Variants in C1orf167 observed in about 807,000 individuals in gnomAD.
The protein encoded by C1orf167 is uncharacterized protein C1orf167.
C1orf167 carries 153 observed loss-of-function variants against 176.5 expected under a neutral mutation model. The ratio of observed to expected loss-of-function variants is 0.87; its 90% CI spans 0.76 to 0.99. The LOEUF is 0.99. Among genes scored for constraint, C1orf167 ranks in the 50% least tolerant of loss-of-function variants. C1orf167 has a pLI of 0.00. For missense variants in C1orf167, 1,490 were observed against 1,817.7 expected, an observed-to-expected ratio of 0.82 and a Z score of 3.28; for synonymous variants, 594 against 752.7, an observed-to-expected ratio of 0.79 and a Z score of 3.45.
rs536620942 is a variant in C1orf167 at position 11,762,696 on chromosome 1, G to A, written c.-71+391G>A. ...GGCTGCAGTGCAGATTAAATGGCAGGACGCCTGCTGAAGGCTGCAAGGTGC... is the reference window on the plus strand; with the variant it reads ...GGCTGCAGTGCAGATTAAATGGCAGAACGCCTGCTGAAGGCTGCAAGGTGC... On this transcript the variant is annotated intron_variant, in intron 1 of 20. Coordinates refer to ENST00000688073, the MANE Select transcript of C1orf167 (RefSeq NM_001010881.2). Among the ~76,000 whole-genome samples, 52 of 152,330 alleles carry A rather than the reference G, an allele frequency of 3.4e-4. 1 individual carries two copies. The highest frequency in any genetic ancestry group is 8.3e-4 in the South Asian group (4 of 4,826).
intron 13 of C1orf167, 81 bp downstream of exon 13, chr1:11,780,091 A>G (rs751867224): frequency 2.3e-5 from 25 of 1,089,986 alleles, no homozygotes; most frequent in Non-Finnish European, 3.0e-5. Flanking sequence ...AGCCCTGGCC[A>G]ACAACTTGAC....
chr1:11,779,590 A>C, intron 12 of C1orf167: 1 of 325,204 alleles, frequency 3.1e-6, no homozygotes, highest in Non-Finnish European at 6.1e-6. Flanking sequence ...GGGGTCTAGA[A>C]TCCCACCCTA....
intron 16 of C1orf167, 41 bp downstream of exon 16, chr1:11,785,330 G>A (rs767932476): frequency 2.0e-4 from 246 of 1,245,248 alleles, no homozygotes; most frequent in Non-Finnish European, 2.2e-4. Flanking sequence ...CTCTGGCCCC[G>A]GATGGCCAGC....
Position 11,784,221 on chromosome 1 carries a change from G to C in C1orf167, c.3053G>C (p.Arg1018Pro), listed in dbSNP as rs538180931. 7.8e-7 allele frequency: 1 copy of C among 1,279,782 alleles called. No homozygotes were observed. Among genetic ancestry groups the C allele is most frequent in the East Asian group, 5.6e-5 (1 of 17,736 alleles). The allele number at this position is 1,279,782 out of a possible 1,614,324, so 79.3% of individuals were successfully genotyped here. ...GTTGTAAGAGACACGGGGGTGCTCC[G>C]GGCCCAGCATCAAGCCTTTCAGGAT... ...CEVVRDTGVL[R>P]AQHQAFQDGL... Residue 1018 changes from arginine to proline, a missense_variant, in exon 15 of 21, where the codon CGG becomes CCG. Physicochemically the swap from Arg to Pro is moderately radical, Grantham distance 103. Transcript: ENST00000688073.
In C1orf167 at chr1:11,771,916, C is replaced by CT. The variant is rs530023129; in HGVS notation, c.1811-165dup. Among the ~76,000 whole-genome samples, 126 of 152,264 alleles carry CT rather than the reference C, an allele frequency of 8.3e-4. 1 individual carries two copies. Among genetic ancestry groups the CT allele is most frequent in the African/African-American group, 3.0e-3 (125 of 41,574 alleles). On this transcript the variant is annotated intron_variant, in intron 7 of 20. Coordinates refer to ENST00000688073, the MANE Select transcript of C1orf167 (RefSeq NM_001010881.2). The stretch of plus-strand genomic sequence containing the variant: ...CGGCCTGCATTTCTGGGCTGATACA[C>CT]TGATGCAGGCCCACACCAGAGGCTG...
intron 7 of C1orf167, 101 bp downstream of exon 7, chr1:11,771,737 T>C (rs1371087201): frequency 1.4e-6 from 1 of 739,164 alleles, no homozygotes; most frequent in Non-Finnish European, 2.0e-6. Context: ...CGAATGAATG[T>C]TTATTTTGCA....
chr1:11,782,145 TG>T (rs995647470), intron 13 of C1orf167, 43 bp from the exon 14 acceptor site: 2 of 1,228,088 alleles, frequency 1.6e-6, no homozygotes, highest in African/African-American at 3.1e-5. Flanking sequence ...GGGGAGAGGC[TG>T]GGGTGAGCAC....
At chr1:11,784,621 C>T (rs1477914634) in intron 15 of C1orf167, 28 bp downstream of exon 15, 1 of 1,210,106 alleles carries the variant, frequency 8.3e-7, no homozygotes. Flanking sequence ...AGTGCAGCCC[C>T]ACTCTGTGCT....
chr1:11,788,891 C>A, intron 20 of C1orf167, 145 bp downstream of exon 20: 1 of 547,608 alleles, frequency 1.8e-6, no homozygotes, highest in Non-Finnish European at 3.0e-6. Context: ...GGGTCAGTTC[C>A]ATTACAGAAC....
Position 11,784,312 on chromosome 1 carries a change from C to T in C1orf167, c.3144C>T (p.Ala1048=), listed in dbSNP as rs1017730209. ...ATWREAQEVA[A]GAQEQRVAQA... Reference sequence around the variant, plus strand: ...GGCGGGAAGCCCAGGAAGTGGCAGCCGGGGCACAGGAGCAGCGTGTGGCCC... The same window carrying T: ...GGCGGGAAGCCCAGGAAGTGGCAGCTGGGGCACAGGAGCAGCGTGTGGCCC... Residue 1048 remains alanine (A), a synonymous_variant, in exon 15 of 21, where the codon GCC becomes GCT. Transcript: ENST00000688073. The T allele has an allele frequency of 6.4e-5, 84 of 1,303,724 alleles. No individual in the cohort carries two copies. Among genetic ancestry groups the T allele is most frequent in the African/African-American group, 3.3e-4 (22 of 66,016 alleles). 80.8% of individuals were successfully genotyped at this position (1,303,724 alleles called of 1,614,324 possible). A position where few individuals can be genotyped will look rare whatever the true frequency, so the allele number is the denominator to read the frequency against.
intron 13 of C1orf167, 30 bp downstream of exon 13, chr1:11,780,040 G>T: frequency 8.0e-7 from 1 of 1,244,354 alleles, no homozygotes; most frequent in Non-Finnish European, 1.0e-6. Flanking sequence ...GGGGCACTGC[G>T]GGTGAGGGCA....
chr1:11,789,395 A>G lies in C1orf167; in HGVS notation c.4299A>G (p.Ala1433=). ...GPESGQEAAR[A]PRGWGLGAEH... Reference sequence around the variant, plus strand: ...AGAGTGGACAGGAAGCCGCCAGAGCACCGCGGGGTTGGGGGCTTGGGGCAG... The same window carrying G: ...AGAGTGGACAGGAAGCCGCCAGAGCGCCGCGGGGTTGGGGGCTTGGGGCAG... The change falls in exon 21 of 21, where the codon GCA becomes GCG. Residue 1433 remains alanine, a synonymous_variant. Transcript: ENST00000688073. 1 of 1,303,256 alleles carries G rather than the reference A, an allele frequency of 7.7e-7. No homozygotes were observed. Among genetic ancestry groups the G allele is most frequent in the Non-Finnish European group, 1.0e-6 (1 of 988,670 alleles). The allele number at this position is 1,303,256 out of a possible 1,614,324, so 80.7% of individuals were successfully genotyped here. A position where few individuals can be genotyped will look rare whatever the true frequency, so the allele number is the denominator to read the frequency against.
At position 11,774,511 on chromosome 1, in the gene C1orf167, C is replaced by T. The variant is rs185202188; in HGVS notation, c.1989-924C>T. ...GAGAATTTTTAGTGCAGGAAGCTGA[C>T]CTAGACCAAGGTTCAGTGGTGATGT... is the stretch of plus-strand genomic sequence containing the variant. On this transcript the variant is annotated intron_variant, in intron 8 of 20. Transcript: ENST00000688073. 5.7e-3 allele frequency among the ~76,000 whole-genome samples: 866 copies of T among 152,286 alleles called. 5 individuals carry two copies. Among genetic ancestry groups the T allele is most frequent in the Non-Finnish European group, 9.6e-3 (652 of 68,040 alleles).
intron 10 of C1orf167, 164 bp from the exon 11 acceptor site, chr1:11,778,496 T>TG: frequency 2.0e-6 from 1 of 497,262 alleles, no homozygotes; most frequent in Non-Finnish European, 3.1e-6. Context: ...ATGCAGCCGC[T>TG]GTGGGGGGCA....
At chr1:11,772,904 A>ATTATTTATTATTATTATTATT (rs1643149375) in intron 8 of C1orf167, among the ~76,000 whole-genome samples, 1 of 146,426 alleles carries the variant, frequency 6.8e-6, no homozygotes, top group Non-Finnish European at 1.5e-5. Flanking sequence ...CATTATTATT[A>ATTATTTATTATTATTATTATT]TTATTATTAT....
chr1:11,765,714 A>C, intron 2 of C1orf167, 143 bp from the exon 3 acceptor site: 1 of 768,214 alleles, frequency 1.3e-6, no homozygotes, highest in Non-Finnish European at 1.7e-6. Context: ...CCAGGGAGAC[A>C]GAGCTGGCAG....
At position 11,784,490 on chromosome 1, in the gene C1orf167, G is replaced by A. The variant is rs1643748436; in HGVS notation, c.3322G>A (p.Ala1108Thr). Reference sequence around the variant, plus strand: ...GCAGCAGGCAGGAGAGAGCGCTGGGGCCCAGGCAGCCCAGTGCTGGACTTG... The same window carrying A: ...GCAGCAGGCAGGAGAGAGCGCTGGGACCCAGGCAGCCCAGTGCTGGACTTG... ...AQQQAGESAG[A>T]QAAQCWTWCW... Residue 1108 changes from alanine (A) to threonine (T), a missense_variant, in exon 15 of 21, where the codon GCC becomes ACC. By Grantham distance (58) the Ala-to-Thr change is moderately conservative. Coordinates refer to ENST00000688073, the MANE Select transcript of C1orf167 (RefSeq NM_001010881.2). The A allele has an allele frequency of 1.5e-6, 2 of 1,302,950 alleles. No homozygotes were observed. The highest frequency in any genetic ancestry group is 2.0e-6 in the Non-Finnish European group (2 of 988,894). 80.7% of individuals were successfully genotyped at this position (1,302,950 alleles called of 1,614,324 possible).
chr1:11,789,455 C>T lies in C1orf167; in HGVS notation c.*9C>T, dbSNP rs1266877819. The T allele has an allele frequency of 7.7e-7, 1 of 1,302,408 alleles. No homozygotes were observed. The highest frequency in any genetic ancestry group is 1.2e-5 in the South Asian group (1 of 80,878). The allele number at this position is 1,302,408 out of a possible 1,614,324, so 80.7% of individuals were successfully genotyped here. ...CCCAGCTGCAGCTGTGACTTGTTCT[C>T]ATAGAATAAAAAACAGAACTGAACT... On this transcript the variant is annotated 3_prime_UTR_variant, in exon 21 of 21. Transcript: ENST00000688073.
Position 11,771,631 on chromosome 1 carries a change from T to C in C1orf167, c.1805T>C (p.Leu602Pro). ...GTCCAGATCCTGCAGGCCCTGCAAC[T>C]GGCTGGTGAGACGTGGGGTGCTGGG... ...ERVQILQALQ[L>P]AVFFLWCQQK... The change falls in exon 7 of 21, where the codon CTG becomes CCG. Residue 602 changes from leucine (L) to proline (P), a missense_variant. Transcript: ENST00000688073. The C allele has an allele frequency of 3.9e-6, 5 of 1,289,530 alleles. No individual in the cohort carries two copies. The highest frequency in any genetic ancestry group is 5.1e-6 in the Non-Finnish European group (5 of 988,630). 79.9% of individuals were successfully genotyped at this position (1,289,530 alleles called of 1,614,324 possible).
Sources: gnomAD v4.1 joint callset for allele counts (sites outside exome capture counted in the v4.1 genomes callset) on GRCh38, gnomAD v4.1.1 for gene constraint, MANE v1.5 for transcripts, NCBI Gene and HGNC (gene_info 2026-07-23, HGNC 2026-07-21) for gene names.